PTPRD: variants seen among roughly 807,000 people sequenced by gnomAD.
The protein encoded by PTPRD is protein tyrosine phosphatase receptor type D, also known as receptor-type tyrosine-protein phosphatase delta.
A neutral mutation model predicts 214.5 loss-of-function variants in PTPRD; 34 were observed. The observed-to-expected ratio is 0.16, with a 90% CI of 0.12 to 0.21. The LOEUF is 0.21. Ranked by LOEUF, PTPRD falls within the 10% of genes least tolerant of loss-of-function variation. PTPRD has a pLI of 1.00. For missense variants in PTPRD, 2,545 were observed against 2,398.7 expected, an observed-to-expected ratio of 1.06 and a Z score of -1.27; for synonymous variants, 1,128 against 845.7, an observed-to-expected ratio of 1.33 and a Z score of -5.79.
chr9:8,477,360 A>G (rs1001399042), intron 30 of PTPRD, among the ~76,000 whole-genome samples: 31 of 152,082 alleles, frequency 2.0e-4, no homozygotes, highest in Middle Eastern at 3.4e-3. Context: ...ATTTAATTAG[A>G]TAAGTTAAAT....
intron 9 of PTPRD, among the ~76,000 whole-genome samples, chr9:9,237,648 G>C (rs1296682743): frequency 6.6e-6 from 1 of 151,902 alleles, no homozygotes; most frequent in Non-Finnish European, 1.5e-5. Flanking sequence ...TTTTTTTTAA[G>C]AGCTCCATGG....
intron 11 of PTPRD, among the ~76,000 whole-genome samples, chr9:8,847,932 C>A (rs2097731559): frequency 6.6e-6 from 1 of 152,160 alleles, no homozygotes; most frequent in Non-Finnish European, 1.5e-5. Context: ...AATTCCATTT[C>A]TTTGATGGGT....
chr9:9,347,417 T>C (rs990068114), intron 9 of PTPRD, among the ~76,000 whole-genome samples: 1 of 151,818 alleles, frequency 6.6e-6, no homozygotes, highest in Non-Finnish European at 1.5e-5. Flanking sequence ...AAATGAAGAA[T>C]AACAATTTCT....
At chr9:8,329,859 TC>T (rs2131452604) in intron 44 of PTPRD, among the ~76,000 whole-genome samples, 1 of 152,148 alleles carries the variant, frequency 6.6e-6, no homozygotes, top group South Asian at 2.1e-4. Context: ...CAGATGCCTC[TC>T]CCCTCACGAA....
intron 5 of PTPRD, among the ~76,000 whole-genome samples, chr9:9,918,555 T>C (rs916605289): frequency 3.9e-5 from 6 of 151,906 alleles, no homozygotes; most frequent in Admixed American, 1.3e-4. Context: ...AAAAAAATCA[T>C]AAGATGTAAA....
At chr9:9,137,581 G>T (rs2099852919) in intron 10 of PTPRD, among the ~76,000 whole-genome samples, 1 of 152,094 alleles carries the variant, frequency 6.6e-6, no homozygotes, top group Non-Finnish European at 1.5e-5. Context: ...TTGAAACCAT[G>T]GATGAACTTC....
At chr9:9,726,166 T>G (rs1232737353) in intron 7 of PTPRD, among the ~76,000 whole-genome samples, 1 of 152,180 alleles carries the variant, frequency 6.6e-6, no homozygotes, top group South Asian at 2.1e-4. Context: ...ATAATTAATC[T>G]TCTATTAGGA....
chr9:10,203,618 AG>A (rs1287982617), intron 3 of PTPRD, among the ~76,000 whole-genome samples: 3 of 152,198 alleles, frequency 2.0e-5, no homozygotes, highest in Non-Finnish European at 4.4e-5. Context: ...CTATGGATCC[AG>A]GATTCCATCA....
intron 5 of PTPRD, among the ~76,000 whole-genome samples, chr9:9,871,644 G>C (rs1032211158): frequency 6.7e-6 from 1 of 148,532 alleles, no homozygotes. Flanking sequence ...TAACCTCCTT[G>C]GGCCCTAAGA....
At chr9:8,764,823 A>G (rs914918274) in intron 11 of PTPRD, among the ~76,000 whole-genome samples, 9 of 150,576 alleles carry the variant, frequency 6.0e-5, no homozygotes, top group Non-Finnish European at 3.0e-5. Flanking sequence ...TAATAATAAT[A>G]ATAATAATAA....
intron 19 of PTPRD, among the ~76,000 whole-genome samples, chr9:8,523,193 A>T (rs965965079): frequency 6.6e-6 from 1 of 152,164 alleles, no homozygotes; most frequent in Non-Finnish European, 1.5e-5. Context: ...AGGCATCCTT[A>T]TAAGACAGAA....
chr9:9,103,609 C>T (rs981724352), intron 10 of PTPRD, among the ~76,000 whole-genome samples: 1 of 151,656 alleles, frequency 6.6e-6, no homozygotes. Flanking sequence ...TCCTTTGCTT[C>T]CATAAGAAAA....
intron 3 of PTPRD, among the ~76,000 whole-genome samples, chr9:10,274,831 C>T (rs867910141): frequency 6.6e-6 from 1 of 152,192 alleles, no homozygotes; most frequent in African/African-American, 2.4e-5. Flanking sequence ...TCCCTTTTGT[C>T]CTTAGGACAT....
intron 3 of PTPRD, among the ~76,000 whole-genome samples, chr9:10,248,511 C>CAAAAAAAAAAAA: frequency 8.5e-5 from 1 of 11,706 alleles, no homozygotes; most frequent in Non-Finnish European, 2.2e-4. Context: ...GTACATATAG[C>CAAAAAAAAAAAA]AAAAAAAAAA....
chr9:10,274,086 A>T (rs1301258898), intron 3 of PTPRD, among the ~76,000 whole-genome samples: 1 of 152,080 alleles, frequency 6.6e-6, no homozygotes, highest in Admixed American at 6.6e-5. Flanking sequence ...TTCAGGTGTA[A>T]ATGAAAGCTC....
intron 11 of PTPRD, among the ~76,000 whole-genome samples, chr9:8,749,984 T>A (rs988564664): frequency 1.3e-5 from 2 of 151,644 alleles, no homozygotes; most frequent in African/African-American, 4.8e-5. Flanking sequence ...TCGCCTGTAG[T>A]CCCAGCTCCT....
chr9:8,965,003 T>C (rs1298164442), intron 11 of PTPRD, among the ~76,000 whole-genome samples: 1 of 152,130 alleles, frequency 6.6e-6, no homozygotes, highest in Non-Finnish European at 1.5e-5. Flanking sequence ...CTTGTGAAGA[T>C]GAGAATATAT....
At position 8,782,401 on chromosome 9, in the gene PTPRD, T is replaced by C. The variant is rs545488763; in HGVS notation, c.-103-48455A>G. Among the ~76,000 whole-genome samples, 246 of 152,266 alleles carry C rather than the reference T, an allele frequency of 1.6e-3. 2 individuals are homozygous for C. The highest frequency in any genetic ancestry group is 4.6e-3 in the African/African-American group (190 of 41,560). Reference sequence around the variant, plus strand: ...CAATTTTCAAGTTTACAATACATTGTTATTAACTGTGTCACCATGTTGTGC... The same window carrying C: ...CAATTTTCAAGTTTACAATACATTGCTATTAACTGTGTCACCATGTTGTGC... On this transcript the variant is annotated intron_variant, in intron 11 of 45. Coordinates refer to ENST00000381196, the MANE Select transcript of PTPRD (RefSeq NM_002839.4).
intron 3 of PTPRD, among the ~76,000 whole-genome samples, chr9:10,047,485 A>G (rs141847542): frequency 2.0e-5 from 3 of 152,156 alleles, no homozygotes; most frequent in African/African-American, 7.2e-5. Context: ...AGAGCAAATC[A>G]GGCTCTACAA....
Sources: gnomAD v4.1 joint callset for allele counts (sites outside exome capture counted in the v4.1 genomes callset) on GRCh38, gnomAD v4.1.1 for gene constraint, MANE v1.5 for transcripts, NCBI Gene and HGNC (gene_info 2026-07-23, HGNC 2026-07-21) for gene names.